WAPL: variants seen among roughly 807,000 people sequenced by gnomAD.
WAPL encodes wings apart-like protein homolog.
In WAPL, 5 loss-of-function variants were observed where a neutral mutation model predicts 121.0. The ratio of observed to expected loss-of-function variants is 0.04; its 90% CI spans 0.02 to 0.09. The LOEUF is 0.09. WAPL is among the 10% of genes least tolerant of loss of function. The pLI, the probability that WAPL is intolerant of heterozygous loss-of-function variation, is 1.00. For synonymous variants in WAPL, 480 were observed against 481.5 expected, an observed-to-expected ratio of 1.00 and a Z score of 0.04; for missense variants, 999 against 1,410.8, an observed-to-expected ratio of 0.71 and a Z score of 4.68.
chr10:86,501,410 C>T (rs544195244), intron 2 of WAPL, among the ~76,000 whole-genome samples: 1 of 152,132 alleles, frequency 6.6e-6, no homozygotes, highest in Non-Finnish European at 1.5e-5. Context: ...ATTTTTGTTG[C>T]CTTCAATTTT....
chr10:86,453,416 ATTAAC>A, intron 13 of WAPL, 81 bp from the exon 14 acceptor site: 2 of 1,425,692 alleles, frequency 1.4e-6, no homozygotes, highest in African/African-American at 2.8e-5. Flanking sequence ...TAACATGGAT[ATTAAC>A]TTAGAATTGT....
rs548241650 is a variant in WAPL at position 86,447,676 on chromosome 10, C to T, written c.3115-1227G>A. Among the ~76,000 whole-genome samples the T allele has an allele frequency of 3.5e-4, 54 of 152,180 alleles. 1 individual carries two copies. The highest frequency in any genetic ancestry group is 1.9e-3 in the South Asian group (9 of 4,828). ...GGTGATGAGGGTGGGAGGAGTTAGGCATATCAACTTTAAATACAGTACAAT... is the reference window on the plus strand; with the variant it reads ...GGTGATGAGGGTGGGAGGAGTTAGGTATATCAACTTTAAATACAGTACAAT... On this transcript the variant is annotated intron_variant, in intron 15 of 18. Coordinates refer to ENST00000298767, the MANE Select transcript of WAPL (RefSeq NM_015045.5).
At chr10:86,502,559 T>C (rs571180790) in intron 2 of WAPL, among the ~76,000 whole-genome samples, 1 of 152,314 alleles carries the variant, frequency 6.6e-6, no homozygotes, top group East Asian at 1.9e-4. Flanking sequence ...AGTTGAACTG[T>C]TTAATGGAGA....
intron 4 of WAPL, among the ~76,000 whole-genome samples, chr10:86,481,044 C>T (rs1332391882): frequency 6.6e-6 from 1 of 152,134 alleles, no homozygotes; most frequent in Non-Finnish European, 1.5e-5. Context: ...TCCTAAGAAG[C>T]CACCTTTGAA....
intron 15 of WAPL, 38 bp from the exon 16 acceptor site, chr10:86,446,487 T>C (rs1849622100): frequency 2.5e-6 from 4 of 1,589,942 alleles, no homozygotes; most frequent in East Asian, 4.5e-5. Flanking sequence ...TAAAAAGAGA[T>C]TGCCAATCAA....
chr10:86,519,505 CAT>C (rs1055992872), intron 1 of WAPL, among the ~76,000 whole-genome samples: 52 of 152,212 alleles, frequency 3.4e-4, no homozygotes, highest in Admixed American at 5.9e-4. Flanking sequence ...GACCCCCCCC[CAT>C]GTTTGGTGAG....
intron 9 of WAPL, among the ~76,000 whole-genome samples, chr10:86,463,168 G>A (rs1389756078): frequency 1.3e-5 from 2 of 152,202 alleles, no homozygotes; most frequent in African/African-American, 4.8e-5. Context: ...GCTCACACCT[G>A]TAATCCTAGC....
chr10:86,460,618 C>T, intron 10 of WAPL, 122 bp from the exon 11 acceptor site: 1 of 681,974 alleles, frequency 1.5e-6, no homozygotes, highest in African/African-American at 1.9e-5. Context: ...CCTCTCTGAA[C>T]ATTTTTTATT....
At position 86,473,926 on chromosome 10, in the gene WAPL, A is replaced by C; in HGVS notation, c.1692T>G (p.Asp564Glu). 1 of 1,614,082 alleles carries C rather than the reference A, an allele frequency of 6.2e-7. No homozygotes were observed. Among genetic ancestry groups the C allele is most frequent in the Non-Finnish European group, 8.5e-7 (1 of 1,179,988 alleles). ...VYNARHWNHP[D>E]SEELPGPPVV... is the part of the protein sequence containing the mutation. ...CTGGTGGCCCAGGCAGTTCTTCTGA[A>C]TCTGGATGATTCCAATGTCTGGCAT... Residue 564 changes from aspartate to glutamate, a missense_variant, in exon 5 of 19, where the codon GAT becomes GAG. By Grantham distance (45) the Asp-to-Glu change is conservative. Coordinates refer to ENST00000298767, the MANE Select transcript of WAPL (RefSeq NM_015045.5).
At chr10:86,446,098 G>T in intron 16 of WAPL, 144 bp downstream of exon 16, 1 of 832,952 alleles carries the variant, frequency 1.2e-6, no homozygotes, top group South Asian at 1.8e-5. Flanking sequence ...AAGCACTTAA[G>T]TATCAAAGCT....
intron 2 of WAPL, among the ~76,000 whole-genome samples, chr10:86,510,367 C>T (rs569874362): frequency 1.1e-4 from 17 of 152,192 alleles, no homozygotes; most frequent in South Asian, 1.0e-3. Context: ...CCACCGCACC[C>T]GGCTGTCTGG....
intron 12 of WAPL, among the ~76,000 whole-genome samples, chr10:86,456,830 T>C (rs965811569): frequency 2.2e-4 from 33 of 152,346 alleles, no homozygotes; most frequent in African/African-American, 7.9e-4. Context: ...GTTCAGCATA[T>C]GTTATTTAAT....
At chr10:86,455,766 TAA>T (rs1207806743) in intron 12 of WAPL, among the ~76,000 whole-genome samples, 1 of 146,496 alleles carries the variant, frequency 6.8e-6, no homozygotes, top group Non-Finnish European at 1.5e-5. Context: ...TGGGACAGAA[TAA>T]AAGATAGAGC....
intron 15 of WAPL, among the ~76,000 whole-genome samples, chr10:86,447,612 G>C (rs1385948742): frequency 1.3e-5 from 2 of 152,120 alleles, no homozygotes; most frequent in Non-Finnish European, 2.9e-5. Flanking sequence ...AAAAGTTTTA[G>C]GGGGAAGTAT....
chr10:86,505,298 C>CTTTTTTTTTTTTTTTTT (rs1449263452), intron 2 of WAPL, among the ~76,000 whole-genome samples: 1 of 65,376 alleles, frequency 1.5e-5, no homozygotes, highest in Non-Finnish European at 3.6e-5. Context: ...CAGTGCCCAA[C>CTTTTTTTTTTTTTTTTT]TCTTTTTTTT....
intron 16 of WAPL, 151 bp from the exon 17 acceptor site, chr10:86,443,514 T>C (rs1849525701): frequency 2.0e-6 from 1 of 493,010 alleles, no homozygotes; most frequent in Non-Finnish European, 3.4e-6. Context: ...TAACAAAAAT[T>C]TAATCAAAAT....
chr10:86,449,873 G>C (rs1198172191), intron 15 of WAPL, among the ~76,000 whole-genome samples: 4 of 152,188 alleles, frequency 2.6e-5, no homozygotes, highest in Admixed American at 2.6e-4. Context: ...GCTGTACAGT[G>C]AGCAGCAAAA....
intron 2 of WAPL, among the ~76,000 whole-genome samples, chr10:86,503,936 G>A (rs1311613391): frequency 2.0e-5 from 3 of 152,136 alleles, no homozygotes; most frequent in African/African-American, 7.2e-5. Context: ...TTGGGAGGCC[G>A]AGTCAGGCAG....
chr10:86,476,445 T>G (rs1589516276), intron 4 of WAPL, among the ~76,000 whole-genome samples: 1 of 151,920 alleles, frequency 6.6e-6, no homozygotes, highest in African/African-American at 2.4e-5. Context: ...TCCCAGCACT[T>G]TGGGAGGCCA....
Sources: allele counts gnomAD v4.1 joint callset (sites outside exome capture counted in the v4.1 genomes callset), GRCh38; gene constraint gnomAD v4.1.1; transcripts MANE v1.5; gene names NCBI Gene and HGNC (gene_info 2026-07-23, HGNC 2026-07-21).